The following RSBN1L variants were observed in gnomAD, a reference collection of about 807,000 sequenced individuals.
RSBN1L encodes the protein round spermatid basic protein 1 like, also known as lysine-specific demethylase RSBN1L.
Under a neutral mutation model 67.7 loss-of-function variants are expected in RSBN1L, and 30 were observed. That is an observed-to-expected ratio of 0.44 (90% CI 0.33 to 0.60). The LOEUF is 0.60. Ranked by LOEUF, RSBN1L falls within the 20% of genes least tolerant of loss-of-function variation. The pLI is 0.02. For synonymous variants in RSBN1L, 433 were observed against 387.0 expected, an observed-to-expected ratio of 1.12 and a Z score of -1.39; for missense variants, 992 against 1,031.7, an observed-to-expected ratio of 0.96 and a Z score of 0.53.
chr7:77,768,575 T>G, intron 4 of RSBN1L, 86 bp from the exon 5 acceptor site: 1 of 1,150,674 alleles, frequency 8.7e-7, no homozygotes, highest in Non-Finnish European at 1.2e-6. Context: ...GAAAGTGTGT[T>G]TGTCAGGGGA....
At chr7:77,718,466 T>A (rs1791076265) in intron 1 of RSBN1L, among the ~76,000 whole-genome samples, 1 of 152,082 alleles carries the variant, frequency 6.6e-6, no homozygotes, top group Non-Finnish European at 1.5e-5. Flanking sequence ...TTTTTTTGTA[T>A]TTTTTATAGA....
chr7:77,722,813 C>G (rs751429471), intron 1 of RSBN1L, among the ~76,000 whole-genome samples: 1 of 151,902 alleles, frequency 6.6e-6, no homozygotes, highest in Non-Finnish European at 1.5e-5. Context: ...CAGTTGATTT[C>G]ATGGACTGCG....
At chr7:77,750,499 T>C (rs182731303) in intron 3 of RSBN1L, among the ~76,000 whole-genome samples, 1 of 152,270 alleles carries the variant, frequency 6.6e-6, no homozygotes, top group Non-Finnish European at 1.5e-5. Context: ...ATTAAAAATA[T>C]TGTGGTATGA....
chr7:77,781,201 G>T lies in RSBN1L; in HGVS notation c.*2033G>T, dbSNP rs2150436731. The T allele has an allele frequency of 6.6e-6, 1 of 152,328 alleles. No homozygotes were observed. The highest frequency in any genetic ancestry group is 2.1e-4 in the South Asian group (1 of 4,830). 9.4% of individuals were successfully genotyped at this position (152,328 alleles called of 1,614,324 possible). A position where few individuals can be genotyped will look rare whatever the true frequency, so the allele number is the denominator to read the frequency against. On this transcript the variant is annotated 3_prime_UTR_variant, in exon 8 of 8. Transcript: ENST00000334955. ...GGCAAATATCATAGGAAATCTTCAT[G>T]GTTTGTAGGAAATCAGTGTTTGCAA...
rs750762141 is a variant in RSBN1L at position 77,768,693 on chromosome 7, A to C, written c.1515A>C (p.Leu505=). The part of the protein sequence containing the change: ...CTLPWGTLSS[L]KLQSRKDSDD... ...TGCCATGGGGGACGCTATCTAGTCTAAAATTACAGAGTCGAAAAGATAGTG... is the reference window on the plus strand; with the variant it reads ...TGCCATGGGGGACGCTATCTAGTCTCAAATTACAGAGTCGAAAAGATAGTG... Residue 505 remains leucine (L), a synonymous_variant, in exon 5 of 8, where the codon CTA becomes CTC. Transcript: ENST00000334955. 1.2e-5 allele frequency: 19 copies of C among 1,613,896 alleles called. 2 individuals carry two copies. In the South Asian group the frequency reaches 2.1e-4, roughly 18 times the overall value.
chr7:77,710,460 T>G (rs941147278), intron 1 of RSBN1L, among the ~76,000 whole-genome samples: 1 of 152,162 alleles, frequency 6.6e-6, no homozygotes, highest in Non-Finnish European at 1.5e-5. Flanking sequence ...TCCACACTTT[T>G]ACTACACCTA....
intron 1 of RSBN1L, among the ~76,000 whole-genome samples, chr7:77,719,165 A>G (rs1381189027): frequency 2.0e-5 from 3 of 152,192 alleles, no homozygotes; most frequent in Non-Finnish European, 4.4e-5. Context: ...CACATAATGT[A>G]TGTGTGTTTT....
chr7:77,749,944 T>A lies in RSBN1L; in HGVS notation c.1224T>A (p.Ala408=). The A allele has an allele frequency of 6.2e-7, 1 of 1,614,164 alleles. No individual in the cohort carries two copies. The highest frequency in any genetic ancestry group is 1.6e-4 in the Middle Eastern group (1 of 6,062). The change falls in exon 3 of 8, where the codon GCT becomes GCA. Residue 408 remains alanine (A), a synonymous_variant. Coordinates refer to ENST00000334955, the MANE Select transcript of RSBN1L (RefSeq NM_198467.3). The part of the protein sequence containing the change: ...FYVMGIVHGA[A]TYLPDFLDYF... ...TGATGGGTATTGTTCATGGGGCAGC[T>A]ACTTATTTACCTGACTTTTTAGACT...
intron 4 of RSBN1L, among the ~76,000 whole-genome samples, chr7:77,766,037 CCTAAA>C (rs1195588849): frequency 1.3e-5 from 2 of 152,172 alleles, no homozygotes; most frequent in Non-Finnish European, 2.9e-5. Context: ...GTTTAGCATT[CCTAAA>C]CTAAATTCCA....
intron 1 of RSBN1L, among the ~76,000 whole-genome samples, chr7:77,708,230 TA>T (rs1790920683): frequency 6.6e-6 from 1 of 151,902 alleles, no homozygotes. Flanking sequence ...ATGGTGTGAA[TA>T]AGATTGTAGA....
intron 3 of RSBN1L, among the ~76,000 whole-genome samples, chr7:77,757,451 A>G (rs1791634794): frequency 6.6e-6 from 1 of 152,270 alleles, no homozygotes. Context: ...AAACTGTATC[A>G]TGAAAGTCCG....
At chr7:77,731,953 G>T (rs545770240) in intron 1 of RSBN1L, among the ~76,000 whole-genome samples, 2 of 151,966 alleles carry the variant, frequency 1.3e-5, no homozygotes, top group Admixed American at 6.6e-5. Flanking sequence ...TCTGTTTCTG[G>T]ACTCCCTATT....
intron 1 of RSBN1L, among the ~76,000 whole-genome samples, chr7:77,715,472 T>C (rs1209161018): frequency 1.3e-5 from 2 of 151,840 alleles, no homozygotes; most frequent in Non-Finnish European, 2.9e-5. Context: ...ACTCGGGTAA[T>C]TTTTTAAAAA....
intron 1 of RSBN1L, among the ~76,000 whole-genome samples, chr7:77,732,935 G>A (rs1368640271): frequency 1.3e-5 from 2 of 152,076 alleles, no homozygotes; most frequent in East Asian, 1.9e-4. Context: ...GAGTTTGTAG[G>A]TATCCCACTT....
At chr7:77,707,850 T>C (rs1437719180) in intron 1 of RSBN1L, among the ~76,000 whole-genome samples, 2 of 152,068 alleles carry the variant, frequency 1.3e-5, no homozygotes, top group Non-Finnish European at 2.9e-5. Context: ...ACAGAAACAA[T>C]AATAATAATA....
intron 5 of RSBN1L, among the ~76,000 whole-genome samples, chr7:77,769,067 A>G (rs989089348): frequency 1.3e-5 from 2 of 152,264 alleles, no homozygotes. Context: ...AATAAATGTA[A>G]TATTCAGAAC....
intron 1 of RSBN1L, among the ~76,000 whole-genome samples, chr7:77,706,297 C>G (rs1009311994): frequency 4.6e-5 from 7 of 152,032 alleles, no homozygotes; most frequent in African/African-American, 1.7e-4. Context: ...AGGCTGGTTT[C>G]GAGCTCCTGA....
intron 2 of RSBN1L, among the ~76,000 whole-genome samples, chr7:77,743,327 A>C (rs1584291936): frequency 6.6e-6 from 1 of 151,996 alleles, no homozygotes; most frequent in Non-Finnish European, 1.5e-5. Context: ...GGCCAGGTGC[A>C]GTGGCTCATG....
intron 2 of RSBN1L, among the ~76,000 whole-genome samples, chr7:77,739,761 TTTTTTTTG>T (rs1298064498): frequency 1.2e-4 from 9 of 73,882 alleles, no homozygotes; most frequent in Non-Finnish European, 2.0e-4. Flanking sequence ...TTTTTTTTTT[TTTTTTTTG>T]AGAGGAGTCT....
Sources: gnomAD v4.1 joint callset for allele counts (sites outside exome capture counted in the v4.1 genomes callset) on GRCh38, gnomAD v4.1.1 for gene constraint, MANE v1.5 for transcripts, NCBI Gene and HGNC (gene_info 2026-07-23, HGNC 2026-07-21) for gene names.